Variants in PPP2R2B observed in about 807,000 individuals in gnomAD.
The protein encoded by PPP2R2B is protein phosphatase 2 regulatory subunit Bbeta.
In PPP2R2B, 5 loss-of-function variants were observed where a neutral mutation model predicts 46.0. The observed-to-expected ratio is 0.11, with a 90% CI of 0.06 to 0.23. PPP2R2B has a LOEUF of 0.23. Among genes scored for constraint, PPP2R2B ranks in the 10% least tolerant of loss-of-function variants. The pLI, the probability that PPP2R2B is intolerant of heterozygous loss-of-function variation, is 1.00. For synonymous variants in PPP2R2B, 215 were observed against 206.7 expected (o/e 1.04, Z -0.34); for missense variants, 367 against 575.0 (o/e 0.64, Z 3.70).
At chr5:146,789,646 G>A (rs991790943) in intron 2 of PPP2R2B, among the ~76,000 whole-genome samples, 4 of 151,980 alleles carry the variant, frequency 2.6e-5, no homozygotes, top group Non-Finnish European at 4.4e-5. Context: ...AGGAGAGAGA[G>A]GCAATACATC....
intron 1 of PPP2R2B, among the ~76,000 whole-genome samples, chr5:147,035,565 G>C (rs907352927): frequency 2.0e-5 from 3 of 152,168 alleles, no homozygotes; most frequent in African/African-American, 7.2e-5. Flanking sequence ...CAGAAAGACT[G>C]ACTTTGCTTG....
At chr5:147,055,631 A>C (rs2151905334) in intron 1 of PPP2R2B, 2 of 1,568,288 alleles carry the variant, frequency 1.3e-6, no homozygotes, top group South Asian at 1.1e-5. Context: ...CACTTTTCCC[A>C]CCCACCCAGA....
chr5:146,715,226 C>A (rs3851490), intron 2 of PPP2R2B, among the ~76,000 whole-genome samples: 29,350 of 151,342 alleles, frequency 0.19, 2,926 homozygotes, highest in East Asian at 0.36. Context: ...TGTAGATCTC[C>A]CTTCCAGGAC....
intron 5 of PPP2R2B, among the ~76,000 whole-genome samples, chr5:146,689,705 A>G (rs1376055874): frequency 6.6e-6 from 1 of 151,990 alleles, no homozygotes; most frequent in Non-Finnish European, 1.5e-5. Context: ...CAACAATAAT[A>G]CTCTTCACTA....
chr5:147,068,735 C>A (rs1219229157), intron 2 of PPP2R2B, among the ~76,000 whole-genome samples: 1 of 152,094 alleles, frequency 6.6e-6, no homozygotes, highest in Non-Finnish European at 1.5e-5. Flanking sequence ...GAATAATAAG[C>A]TGTAAAAAAT....
At chr5:146,662,491 G>A (rs1037755195) in intron 5 of PPP2R2B, among the ~76,000 whole-genome samples, 2 of 152,062 alleles carry the variant, frequency 1.3e-5, no homozygotes, top group African/African-American at 2.4e-5. Flanking sequence ...CTGCCTCCCC[G>A]GGGTGCTCTT....
At chr5:146,665,787 C>T (rs1581826387) in intron 5 of PPP2R2B, among the ~76,000 whole-genome samples, 1 of 152,204 alleles carries the variant, frequency 6.6e-6, no homozygotes, top group East Asian at 1.9e-4. Context: ...ATAAGAATTC[C>T]AACATTAACA....
chr5:146,957,962 T>C (rs1010733424), intron 1 of PPP2R2B, among the ~76,000 whole-genome samples: 1 of 152,118 alleles, frequency 6.6e-6, no homozygotes, highest in Non-Finnish European at 1.5e-5. Flanking sequence ...AAGATGTACC[T>C]GCTCAAAATA....
At chr5:146,975,272 T>G (rs1369276249) in intron 1 of PPP2R2B, among the ~76,000 whole-genome samples, 2 of 152,204 alleles carry the variant, frequency 1.3e-5, no homozygotes, top group Admixed American at 6.5e-5. Context: ...TTTCTTTTTG[T>G]CATTGGTTTA....
At chr5:146,911,226 G>A in intron 1 of PPP2R2B, among the ~76,000 whole-genome samples, 1 of 151,950 alleles carries the variant, frequency 6.6e-6, no homozygotes, top group East Asian at 1.9e-4. Context: ...TGAGACAACA[G>A]GTGCACACCA....
intron 2 of PPP2R2B, among the ~76,000 whole-genome samples, chr5:146,738,221 C>A (rs1337739830): frequency 1.3e-5 from 2 of 151,576 alleles, no homozygotes; most frequent in African/African-American, 4.9e-5. Context: ...ACAGTGAAAC[C>A]CCGTCTCTAC....
At chr5:147,068,169 G>A (rs1282881464) in intron 2 of PPP2R2B, among the ~76,000 whole-genome samples, 1 of 152,078 alleles carries the variant, frequency 6.6e-6, no homozygotes, top group Admixed American at 6.6e-5. Context: ...TAGTATCACA[G>A]CTAACATTTA....
At chr5:146,814,141 G>C (rs1757790686) in intron 2 of PPP2R2B, among the ~76,000 whole-genome samples, 1 of 151,336 alleles carries the variant, frequency 6.6e-6, no homozygotes, top group African/African-American at 2.4e-5. Context: ...CATCAGAATG[G>C]GGGTAAAACA....
chr5:147,005,173 C>G (rs1339418865), intron 1 of PPP2R2B, among the ~76,000 whole-genome samples: 4 of 152,178 alleles, frequency 2.6e-5, no homozygotes, highest in Non-Finnish European at 5.9e-5. Context: ...AAATTATAGT[C>G]CAGACTCATG....
At chr5:146,698,313 AAAAAATATATAT>A (rs1779311077) in intron 3 of PPP2R2B, among the ~76,000 whole-genome samples, 169 bp from the exon 4 acceptor site, 1 of 91,310 alleles carries the variant, frequency 1.1e-5, no homozygotes, top group African/African-American at 5.0e-5. Flanking sequence ...AAAAAAAAAA[AAAAAATATATAT>A]ATATATATAT....
Position 146,706,600 on chromosome 5 carries a change from C to A in PPP2R2B, c.71-5458G>T, listed in dbSNP as rs896826864. 5 of 820,766 alleles carry A rather than the reference C, an allele frequency of 6.1e-6. No individual in the cohort carries two copies. In the African/African-American group the frequency reaches 6.7e-5, roughly 11 times the overall value. 50.8% of individuals were successfully genotyped at this position (820,766 alleles called of 1,614,324 possible). ...GCGTTGGCATCCTTAATGACCAGCT[C>A]CCTGCGCTGCTCCGCATCTGCGATG... On this transcript the variant is annotated intron_variant, in intron 2 of 9. Coordinates refer to ENST00000394411, the MANE Select transcript of PPP2R2B (RefSeq NM_181675.4).
intron 2 of PPP2R2B, among the ~76,000 whole-genome samples, chr5:147,069,552 T>A (rs1757513080): frequency 6.6e-6 from 1 of 152,144 alleles, no homozygotes; most frequent in Non-Finnish European, 1.5e-5. Flanking sequence ...AATCCAGGCA[T>A]CCTGGCCTTC....
intron 1 of PPP2R2B, among the ~76,000 whole-genome samples, chr5:146,956,999 A>T (rs1751943822): frequency 6.6e-6 from 1 of 152,176 alleles, no homozygotes; most frequent in South Asian, 2.1e-4. Context: ...TCAGCATATG[A>T]ATTTTGGAAT....
At chr5:146,698,505 C>T (rs886932268) in intron 3 of PPP2R2B, among the ~76,000 whole-genome samples, 1 of 151,450 alleles carries the variant, frequency 6.6e-6, no homozygotes, top group Admixed American at 6.6e-5. Flanking sequence ...GCTGCAGTCA[C>T]CCTTTGGAGT....
Sources: allele counts gnomAD v4.1 joint callset (sites outside exome capture counted in the v4.1 genomes callset), GRCh38; gene constraint gnomAD v4.1.1; transcripts MANE v1.5; gene names NCBI Gene and HGNC (gene_info 2026-07-23, HGNC 2026-07-21).